Variants in PRRG1 observed in about 807,000 individuals in gnomAD.
PRRG1 encodes proline rich and Gla domain 1.
A neutral mutation model predicts 11.8 loss-of-function variants in PRRG1; 5 were observed. The observed-to-expected ratio is 0.42, with a 90% CI of 0.22 to 0.89. PRRG1 has a LOEUF of 0.89. Ranked by LOEUF, PRRG1 falls within the 40% of genes least tolerant of loss-of-function variation. The pLI is 0.28. For missense variants in PRRG1, 155 were observed against 166.1 expected, an observed-to-expected ratio of 0.93 and a Z score of 0.37; for synonymous variants, 66 against 60.4, an observed-to-expected ratio of 1.09 and a Z score of -0.43.
Position 37,453,664 on chromosome X carries a change from A to T in PRRG1, c.*43A>T. On this transcript the variant is annotated 3_prime_UTR_variant, in exon 4 of 4. Coordinates refer to ENST00000378628, the MANE Select transcript of PRRG1 (RefSeq NM_001142395.2). The stretch of plus-strand genomic sequence containing the variant: ...TACTCTAATCATTTTTAAAATACTA[A>T]TGGAAGAACTTTCTAGCACTTTACC... 9.0e-7 allele frequency: 1 copy of T among 1,111,025 alleles called. No individual in the cohort carries two copies. The highest frequency in any genetic ancestry group is 1.2e-6 in the Non-Finnish European group (1 of 839,170). 91.6% of individuals were successfully genotyped at this position (1,111,025 alleles called of 1,213,427 possible).
chrX:37,397,548 A>G (rs782095731), intron 1 of PRRG1, among the ~76,000 whole-genome samples: 1 of 112,497 alleles, frequency 8.9e-6, no homozygotes, highest in African/African-American at 3.2e-5. Context: ...GAACATCAGG[A>G]TGAGGTAGCA....
intron 3 of PRRG1, among the ~76,000 whole-genome samples, chrX:37,426,421 G>A (rs1005687405): frequency 6.3e-5 from 7 of 111,803 alleles, no homozygotes; most frequent in Admixed American, 1.9e-4. Context: ...CCCACTCCGC[G>A]AGAATACTCC....
intron 1 of PRRG1, among the ~76,000 whole-genome samples, chrX:37,361,887 C>T (rs1930427610): frequency 8.9e-6 from 1 of 112,044 alleles, no homozygotes. Flanking sequence ...AGGGAAAAAG[C>T]AGGAAAAGTC....
At chrX:37,367,966 G>A (rs375025344) in intron 1 of PRRG1, among the ~76,000 whole-genome samples, 3 of 111,967 alleles carry the variant, frequency 2.7e-5, no homozygotes, top group Middle Eastern at 9.2e-3. Context: ...ATATTGAGTC[G>A]TTTTGATGAA....
At position 37,453,456 on chromosome X, in the gene PRRG1, C is replaced by G; in HGVS notation, c.492C>G (p.Ser164=). The G allele has an allele frequency of 8.3e-7, 1 of 1,210,380 alleles. No individual in the cohort carries two copies. The highest frequency in any genetic ancestry group is 1.1e-6 in the Non-Finnish European group (1 of 895,049). ...GRSDSVSTRL[S]NCDPPPTYEE... is the part of the protein sequence containing the mutation. Reference sequence around the variant, plus strand: ...CAGATTCCGTCTCTACTCGCCTGTCCAATTGTGATCCCCCGCCAACCTATG... The same window carrying G: ...CAGATTCCGTCTCTACTCGCCTGTCGAATTGTGATCCCCCGCCAACCTATG... The change falls in exon 4 of 4, where the codon TCC becomes TCG. Residue 164 remains serine, a synonymous_variant. Coordinates refer to ENST00000378628, the MANE Select transcript of PRRG1 (RefSeq NM_001142395.2).
At chrX:37,406,307 T>G in intron 2 of PRRG1, 48 bp downstream of exon 2, 1 of 1,099,829 alleles carries the variant, frequency 9.1e-7, no homozygotes, top group African/African-American at 1.8e-5. Flanking sequence ...TCCATAGCTA[T>G]TATAGTCAGG....
intron 1 of PRRG1, among the ~76,000 whole-genome samples, chrX:37,401,540 C>T (rs1295632075): frequency 9.2e-6 from 1 of 108,826 alleles, no homozygotes; most frequent in African/African-American, 3.3e-5. Context: ...ACTGAATGGG[C>T]AAAAACTGGA....
At chrX:37,404,276 A>G (rs1481429444) in intron 1 of PRRG1, among the ~76,000 whole-genome samples, 1 of 111,714 alleles carries the variant, frequency 9.0e-6, no homozygotes, top group East Asian at 2.8e-4. Context: ...TTAAATCCCA[A>G]TTTAGCTATA....
chrX:37,385,555 T>G (rs1458593987), intron 1 of PRRG1, among the ~76,000 whole-genome samples: 1 of 111,008 alleles, frequency 9.0e-6, no homozygotes, highest in Non-Finnish European at 1.9e-5. Flanking sequence ...TATCTACCAC[T>G]GCATAACAAA....
chrX:37,374,276 G>A (rs1215095922), intron 1 of PRRG1, among the ~76,000 whole-genome samples: 16 of 111,697 alleles, frequency 1.4e-4, no homozygotes, highest in Admixed American at 1.4e-3. Context: ...GAGAAGTTAA[G>A]CATTAACTGA....
At chrX:37,390,999 A>T (rs1556376516) in intron 1 of PRRG1, among the ~76,000 whole-genome samples, 2 of 111,897 alleles carry the variant, frequency 1.8e-5, no homozygotes, top group Non-Finnish European at 1.9e-5. Context: ...TAGATGCTGA[A>T]CCCACCCCCA....
At chrX:37,402,738 A>G (rs1290825638) in intron 1 of PRRG1, among the ~76,000 whole-genome samples, 1 of 111,724 alleles carries the variant, frequency 9.0e-6, no homozygotes, top group Non-Finnish European at 1.9e-5. Flanking sequence ...TACTCATCTG[A>G]CAAAGGGCTA....
At chrX:37,392,878 C>T (rs958256598) in intron 1 of PRRG1, among the ~76,000 whole-genome samples, 1 of 111,477 alleles carries the variant, frequency 9.0e-6, no homozygotes, top group East Asian at 2.8e-4. Context: ...ACTATTTCTT[C>T]CCTCTAGATT....
At chrX:37,389,003 T>G (rs993072399) in intron 1 of PRRG1, among the ~76,000 whole-genome samples, 5 of 112,311 alleles carry the variant, frequency 4.5e-5, no homozygotes, top group Admixed American at 3.8e-4. Context: ...ACATTTCTTC[T>G]GCCAGATATC....
At chrX:37,365,630 A>C (rs1235109139) in intron 1 of PRRG1, among the ~76,000 whole-genome samples, 1 of 112,309 alleles carries the variant, frequency 8.9e-6, no homozygotes, top group African/African-American at 3.2e-5. Flanking sequence ...CCAGCCAGCC[A>C]GGGTTAAAGC....
intron 3 of PRRG1, among the ~76,000 whole-genome samples, chrX:37,433,285 T>G (rs1360486798): frequency 1.8e-5 from 2 of 111,846 alleles, no homozygotes; most frequent in African/African-American, 6.5e-5. Flanking sequence ...ACTCGATATA[T>G]AGTTATTTCT....
At chrX:37,419,736 A>T (rs1299636592) in intron 2 of PRRG1, among the ~76,000 whole-genome samples, 3 of 111,565 alleles carry the variant, frequency 2.7e-5, no homozygotes, top group Non-Finnish European at 5.6e-5. Context: ...TTGATATCCC[A>T]CTGGTCATGT....
chrX:37,359,483 C>T (rs1930345385), intron 1 of PRRG1, among the ~76,000 whole-genome samples: 2 of 111,521 alleles, frequency 1.8e-5, no homozygotes, highest in Admixed American at 1.9e-4. Flanking sequence ...GCATACTTGT[C>T]ATACATCTCA....
intron 1 of PRRG1, among the ~76,000 whole-genome samples, chrX:37,364,405 C>G (rs1438323608): frequency 8.9e-6 from 1 of 111,841 alleles, no homozygotes; most frequent in Admixed American, 9.5e-5. Flanking sequence ...ACCATTTTAT[C>G]TTTTATCTAA....
Sources: gnomAD v4.1 joint callset for allele counts (sites outside exome capture counted in the v4.1 genomes callset) on GRCh38, gnomAD v4.1.1 for gene constraint, MANE v1.5 for transcripts, NCBI Gene and HGNC (gene_info 2026-07-23, HGNC 2026-07-21) for gene names.